Variants in FRRS1L observed in about 807,000 individuals in gnomAD.
FRRS1L encodes ferric chelate reductase 1 like.
Under a neutral mutation model 28.6 loss-of-function variants are expected in FRRS1L, and 22 were observed. That is an observed-to-expected ratio of 0.77 (90% CI 0.55 to 1.10). The LOEUF is 1.10. Among genes scored for constraint, FRRS1L ranks in the 50% least tolerant of loss-of-function variants. FRRS1L has a pLI of 0.00. For missense variants in FRRS1L, 380 were observed against 386.9 expected (o/e 0.98, Z 0.15); for synonymous variants, 158 against 151.4 (o/e 1.04, Z -0.32).
In FRRS1L at chr9:109,131,587, A is replaced by G. The variant is rs1331367407; in HGVS notation, c.*5868T>C. ...GGGTTATGTCTCAGTAAACCCATCA[A>G]TTGTAAGTTGAAAATATCATAAGTC... On this transcript the variant is annotated 3_prime_UTR_variant, in exon 5 of 5. Transcript: ENST00000561981. The G allele has an allele frequency of 1.3e-5, 2 of 152,256 alleles. No individual in the cohort carries two copies. The highest frequency in any genetic ancestry group is 4.8e-5 in the African/African-American group (2 of 41,474). 9.4% of individuals were successfully genotyped at this position (152,256 alleles called of 1,614,324 possible).
In FRRS1L at chr9:109,142,406, A is replaced by G. The variant is rs191556223; in HGVS notation, c.463-817T>C. On this transcript the variant is annotated intron_variant, in intron 3 of 4. Coordinates refer to ENST00000561981, the MANE Select transcript of FRRS1L (RefSeq NM_014334.4). Reference sequence around the variant, plus strand: ...ACTAGGGAGTAGTGATGGTTGCAGAACACTGAATGTGGTTGATACCACTGC... The same window carrying G: ...ACTAGGGAGTAGTGATGGTTGCAGAGCACTGAATGTGGTTGATACCACTGC... Among the ~76,000 whole-genome samples the G allele has an allele frequency of 3.9e-5, 6 of 152,332 alleles. 1 individual carries two copies. The East Asian group carries it at 1.2e-3, about 29-fold the overall frequency.
chr9:109,161,155 C>T (rs1458568448), intron 1 of FRRS1L, among the ~76,000 whole-genome samples: 2 of 151,756 alleles, frequency 1.3e-5, no homozygotes, highest in Non-Finnish European at 1.5e-5. Flanking sequence ...TCCCCTACAC[C>T]TACCTGTCCT....
chr9:109,141,854 A>C (rs564392756), intron 3 of FRRS1L, among the ~76,000 whole-genome samples: 27 of 152,228 alleles, frequency 1.8e-4, no homozygotes, highest in Admixed American at 3.3e-4. Flanking sequence ...ATCAAGAAAA[A>C]ACAATCAGAC....
intron 1 of FRRS1L, among the ~76,000 whole-genome samples, chr9:109,162,776 G>A (rs1831494289): frequency 6.6e-6 from 1 of 152,194 alleles, no homozygotes; most frequent in Non-Finnish European, 1.5e-5. Flanking sequence ...GTAGATGGGG[G>A]AAGGATATAG....
intron 1 of FRRS1L, among the ~76,000 whole-genome samples, chr9:109,158,909 C>G (rs1199901428): frequency 1.3e-5 from 2 of 152,190 alleles, no homozygotes; most frequent in African/African-American, 2.4e-5. Context: ...TCCAAAGTAG[C>G]TGCACCATTT....
chr9:109,134,521 C>G lies in FRRS1L; in HGVS notation c.*2934G>C, dbSNP rs1831091273. 3 of 152,100 alleles carry G rather than the reference C, an allele frequency of 2.0e-5. No individual in the cohort carries two copies. Among genetic ancestry groups the G allele is most frequent in the South Asian group, 2.1e-4 (1 of 4,824 alleles). 9.4% of individuals were successfully genotyped at this position (152,100 alleles called of 1,614,324 possible). A position where few individuals can be genotyped will look rare whatever the true frequency, so the allele number is the denominator to read the frequency against. On this transcript the variant is annotated 3_prime_UTR_variant, in exon 5 of 5. Coordinates refer to ENST00000561981, the MANE Select transcript of FRRS1L (RefSeq NM_014334.4). ...TAGAGCAGGTCTGAAGAACTGAGAG[C>G]CTCTCAGTCTTGCTAAGACATAGCA...
At chr9:109,151,726 A>C (rs1349799257) in intron 1 of FRRS1L, 1 of 159,018 alleles carries the variant, frequency 6.3e-6, no homozygotes, top group African/African-American at 2.4e-5. Flanking sequence ...GACCCAGTCC[A>C]TGGAAAAATC....
chr9:109,167,220 G>T lies in FRRS1L; in HGVS notation c.-82C>A. On this transcript the variant is annotated 5_prime_UTR_variant, in exon 1 of 5. Transcript: ENST00000561981. The stretch of plus-strand genomic sequence containing the variant: ...CGCGGGCCGGGACTGAGCCTCCGCC[G>T]AGGCCACCAGCACGCGCCCGCGCAG... 1 of 1,344,984 alleles carries T rather than the reference G, an allele frequency of 7.4e-7. No individual in the cohort carries two copies. The highest frequency in any genetic ancestry group is 9.6e-7 in the Non-Finnish European group (1 of 1,044,222). 83.3% of individuals were successfully genotyped at this position (1,344,984 alleles called of 1,614,324 possible).
intron 1 of FRRS1L, 166 bp from the exon 2 acceptor site, chr9:109,149,886 T>C (rs1228507613): frequency 4.9e-6 from 3 of 606,698 alleles, no homozygotes; most frequent in South Asian, 2.0e-5. Flanking sequence ...GGGGAGGGTG[T>C]AGGACACACA....
intron 1 of FRRS1L, among the ~76,000 whole-genome samples, chr9:109,159,165 C>T (rs929539471): frequency 9.9e-5 from 15 of 152,192 alleles, no homozygotes; most frequent in Non-Finnish European, 1.6e-4. Context: ...ATTGGATTAT[C>T]TTTTTATTAA....
At chr9:109,165,377 G>T (rs1014023589) in intron 1 of FRRS1L, among the ~76,000 whole-genome samples, 4 of 152,126 alleles carry the variant, frequency 2.6e-5, no homozygotes, top group African/African-American at 9.7e-5. Flanking sequence ...ATGCAACCTG[G>T]CTTCTACTGT....
At chr9:109,164,017 C>T (rs1200483648) in intron 1 of FRRS1L, among the ~76,000 whole-genome samples, 2 of 152,218 alleles carry the variant, frequency 1.3e-5, no homozygotes, top group Admixed American at 6.5e-5. Context: ...TGGGACACCC[C>T]TCTCTCCTGG....
chr9:109,149,536 C>A (rs1463338870), intron 2 of FRRS1L, 100 bp downstream of exon 2: 6 of 765,272 alleles, frequency 7.8e-6, no homozygotes, highest in Non-Finnish European at 1.3e-5. Flanking sequence ...TCAAGGAGCT[C>A]AGGCCCCCTG....
intron 4 of FRRS1L, chr9:109,140,182 T>C (rs906976524): frequency 3.3e-5 from 5 of 152,326 alleles, no homozygotes; most frequent in Non-Finnish European, 7.3e-5. Flanking sequence ...CCAGGCATGG[T>C]AGCTCACACC....
chr9:109,150,426 G>T (rs1397595280), intron 1 of FRRS1L: 1 of 152,118 alleles, frequency 6.6e-6, no homozygotes, highest in Non-Finnish European at 1.5e-5. Context: ...ATATTGCCTA[G>T]GCTGGTCTCG....
intron 1 of FRRS1L, among the ~76,000 whole-genome samples, chr9:109,162,863 T>C (rs1048918919): frequency 3.3e-5 from 5 of 152,146 alleles, no homozygotes; most frequent in Admixed American, 1.3e-4. Context: ...CCAAGAAAAA[T>C]TGTGATCAGA....
At chr9:109,149,760 A>G (rs1402808716) in intron 1 of FRRS1L, 40 bp from the exon 2 acceptor site, 1 of 1,325,770 alleles carries the variant, frequency 7.5e-7, no homozygotes, top group Non-Finnish European at 1.1e-6. Flanking sequence ...AAATCCAGTA[A>G]CAACTGTTCC....
chr9:109,144,453 C>G (rs1162166694), intron 3 of FRRS1L, among the ~76,000 whole-genome samples: 1 of 152,134 alleles, frequency 6.6e-6, no homozygotes, highest in Non-Finnish European at 1.5e-5. Flanking sequence ...TCACTGCAAC[C>G]TCTGCCTCCT....
At chr9:109,150,436 G>A (rs989897006) in intron 1 of FRRS1L, 2 of 152,102 alleles carry the variant, frequency 1.3e-5, no homozygotes, top group Admixed American at 6.6e-5. Context: ...GGCTGGTCTC[G>A]AATTCCTGAC....
Sources: allele counts gnomAD v4.1 joint callset (sites outside exome capture counted in the v4.1 genomes callset), GRCh38; gene constraint gnomAD v4.1.1; transcripts MANE v1.5; gene names NCBI Gene and HGNC (gene_info 2026-07-23, HGNC 2026-07-21).